ATP2C1: variants seen among roughly 807,000 people sequenced by gnomAD.
ATP2C1 encodes calcium-transporting ATPase type 2C member 1.
In ATP2C1, 31 loss-of-function variants were observed where a neutral mutation model predicts 120.5. The ratio of observed to expected loss-of-function variants is 0.26; its 90% CI spans 0.19 to 0.35. The LOEUF (loss-of-function observed/expected upper bound fraction) is 0.35, where lower values mean the gene tolerates loss of function less well. ATP2C1 is among the 10% of genes least tolerant of loss of function. The pLI is 1.00. For missense variants in ATP2C1, 731 were observed against 1,107.5 expected, an observed-to-expected ratio of 0.66 and a Z score of 4.83; for synonymous variants, 351 against 358.7, an observed-to-expected ratio of 0.98 and a Z score of 0.24.
chr3:130,884,504 A>T (rs917822756), intron 1 of ATP2C1, among the ~76,000 whole-genome samples: 2 of 152,154 alleles, frequency 1.3e-5, no homozygotes, highest in Non-Finnish European at 2.9e-5. Flanking sequence ...ATGTTCTGTA[A>T]ATATCTATTA....
At chr3:130,990,685 C>G (rs984834721) in intron 20 of ATP2C1, among the ~76,000 whole-genome samples, 4 of 152,122 alleles carry the variant, frequency 2.6e-5, no homozygotes, top group Non-Finnish European at 5.9e-5. Context: ...CTGCAGGAAA[C>G]TAGGGCAGAA....
chr3:130,907,718 GTGTC>G (rs951751635), intron 2 of ATP2C1, among the ~76,000 whole-genome samples: 1 of 149,420 alleles, frequency 6.7e-6, no homozygotes, highest in African/African-American at 2.5e-5. Flanking sequence ...ACCTTTAACA[GTGTC>G]TGCCTTTCTT....
At chr3:130,960,343 A>G (rs148417023) in intron 12 of ATP2C1, among the ~76,000 whole-genome samples, 1 of 152,284 alleles carries the variant, frequency 6.6e-6, no homozygotes, top group East Asian at 1.9e-4. Context: ...GTACAAGGAG[A>G]TAAGGTCAAC....
chr3:130,873,553 C>G (rs2068502688), intron 1 of ATP2C1, among the ~76,000 whole-genome samples: 1 of 151,982 alleles, frequency 6.6e-6, no homozygotes, highest in African/African-American at 2.4e-5. Context: ...TACTTTTGTA[C>G]TTTTCCAGGG....
At chr3:130,949,609 T>G (rs1022173348) in intron 8 of ATP2C1, among the ~76,000 whole-genome samples, 13 of 152,072 alleles carry the variant, frequency 8.5e-5, no homozygotes, top group African/African-American at 3.1e-4. Context: ...ATTTTCAATG[T>G]AGATGAAACA....
intron 2 of ATP2C1, among the ~76,000 whole-genome samples, chr3:130,901,656 T>A (rs1437073301): frequency 1.3e-5 from 2 of 151,984 alleles, no homozygotes; most frequent in Non-Finnish European, 2.9e-5. Context: ...AATATATAGG[T>A]CAGACTGTCA....
At chr3:130,995,802 G>A (rs568198112) in intron 22 of ATP2C1, among the ~76,000 whole-genome samples, 10 of 152,120 alleles carry the variant, frequency 6.6e-5, no homozygotes, top group African/African-American at 2.2e-4. Flanking sequence ...CACCACACCC[G>A]GCTAATTTTT....
At chr3:131,013,382 A>C (rs1160145809) in intron 26 of ATP2C1, among the ~76,000 whole-genome samples, 1 of 152,232 alleles carries the variant, frequency 6.6e-6, no homozygotes, top group African/African-American at 2.4e-5. Context: ...TAATGGGTCA[A>C]AATCTGTAGT....
chr3:130,963,315 C>G (rs973038619), intron 12 of ATP2C1: 4 of 153,986 alleles, frequency 2.6e-5, no homozygotes, highest in African/African-American at 9.7e-5. Flanking sequence ...CCCAGTTTTC[C>G]TCTTCCCCTA....
chr3:130,900,974 C>T (rs1559897980), intron 2 of ATP2C1, among the ~76,000 whole-genome samples: 1 of 152,096 alleles, frequency 6.6e-6, no homozygotes, highest in Admixed American at 6.6e-5. Flanking sequence ...CTGCCTTCAT[C>T]TAGGTTTCTA....
intron 20 of ATP2C1, among the ~76,000 whole-genome samples, chr3:130,988,191 A>C (rs1031715927): frequency 2.0e-5 from 3 of 152,038 alleles, no homozygotes; most frequent in Non-Finnish European, 4.4e-5. Flanking sequence ...AGATTTGAGG[A>C]TCTTCGGTAG....
chr3:130,867,296 G>GTCCCCC (rs2068210920), intron 1 of ATP2C1, among the ~76,000 whole-genome samples: 1 of 134,860 alleles, frequency 7.4e-6, no homozygotes, highest in Non-Finnish European at 1.6e-5. Context: ...AGAAATGATT[G>GTCCCCC]TCCCTCTCCC....
At chr3:130,936,989 A>G (rs2059702321) in intron 5 of ATP2C1, among the ~76,000 whole-genome samples, 1 of 150,982 alleles carries the variant, frequency 6.6e-6, no homozygotes, top group South Asian at 2.1e-4. Flanking sequence ...TAAAATATAA[A>G]AATTTAAAAC....
At chr3:130,905,335 C>T (rs2058073317) in intron 2 of ATP2C1, among the ~76,000 whole-genome samples, 1 of 152,058 alleles carries the variant, frequency 6.6e-6, no homozygotes, top group African/African-American at 2.4e-5. Context: ...TGTTCTTCCA[C>T]CATAGGGTCC....
chr3:130,988,071 C>T (rs565254775), intron 20 of ATP2C1, among the ~76,000 whole-genome samples: 1 of 152,110 alleles, frequency 6.6e-6, no homozygotes, highest in South Asian at 2.1e-4. Context: ...TCACCAAGTC[C>T]CCATATTATT....
intron 2 of ATP2C1, among the ~76,000 whole-genome samples, chr3:130,923,960 C>T (rs1274386387): frequency 6.0e-5 from 9 of 151,012 alleles, no homozygotes; most frequent in African/African-American, 2.4e-5. Context: ...TATGTGAGTC[C>T]TTCTGTGTTA....
chr3:131,016,072 T>G, intron 26 of ATP2C1: 1 of 1,544,206 alleles, frequency 6.5e-7, no homozygotes, highest in Non-Finnish European at 8.8e-7. Flanking sequence ...TTTGTTGCTT[T>G]AAATATAAGT....
At chr3:130,854,709 G>A (rs2067782393) in intron 1 of ATP2C1, among the ~76,000 whole-genome samples, 2 of 152,192 alleles carry the variant, frequency 1.3e-5, no homozygotes, top group South Asian at 4.1e-4. Context: ...GCACCCCTGG[G>A]CTACATATGG....
chr3:130,982,930 G>A (rs1198713570), intron 20 of ATP2C1, among the ~76,000 whole-genome samples: 1 of 152,080 alleles, frequency 6.6e-6, no homozygotes. Flanking sequence ...TTAAAAAAAT[G>A]TGTTTAACAA....
Sources: allele counts gnomAD v4.1 joint callset (sites outside exome capture counted in the v4.1 genomes callset), GRCh38; gene constraint gnomAD v4.1.1; transcripts MANE v1.5; gene names NCBI Gene and HGNC (gene_info 2026-07-23, HGNC 2026-07-21).